GBE1: variants seen among roughly 807,000 people sequenced by gnomAD.
GBE1 encodes the protein 1,4-alpha-glucan-branching enzyme.
In GBE1, 70 loss-of-function variants were observed where a neutral mutation model predicts 88.8. The observed-to-expected ratio is 0.79, with a 90% CI of 0.65 to 0.96. The LOEUF (loss-of-function observed/expected upper bound fraction) is 0.96, where lower values mean the gene tolerates loss of function less well. Ranked by LOEUF, GBE1 falls within the 40% of genes least tolerant of loss-of-function variation. GBE1 has a pLI of 0.00. For missense variants in GBE1, 872 were observed against 871.0 expected (o/e 1.00, Z -0.01); for synonymous variants, 284 against 300.1 (o/e 0.95, Z 0.56).
At chr3:81,505,138 T>A (rs1702637113) in intron 14 of GBE1, among the ~76,000 whole-genome samples, 1 of 152,182 alleles carries the variant, frequency 6.6e-6, no homozygotes. Flanking sequence ...GAAGACAGGC[T>A]AAAATGTGAA....
chr3:81,505,100 C>A (rs1702636516), intron 14 of GBE1, among the ~76,000 whole-genome samples: 1 of 152,146 alleles, frequency 6.6e-6, no homozygotes, highest in Admixed American at 6.5e-5. Flanking sequence ...ATCACTACCA[C>A]ATCAATATTG....
intron 7 of GBE1, among the ~76,000 whole-genome samples, chr3:81,616,893 C>G (rs1030239325): frequency 6.6e-6 from 1 of 151,730 alleles, no homozygotes; most frequent in Admixed American, 6.6e-5. Flanking sequence ...ATTATACATT[C>G]CTGTATATAT....
intron 2 of GBE1, among the ~76,000 whole-genome samples, chr3:81,674,727 A>G (rs1046635448): frequency 6.6e-6 from 1 of 151,944 alleles, no homozygotes; most frequent in Non-Finnish European, 1.5e-5. Context: ...GAGCCTATCT[A>G]AAGACATATT....
chr3:81,525,010 C>T (rs1397478864), intron 14 of GBE1, among the ~76,000 whole-genome samples: 1 of 151,740 alleles, frequency 6.6e-6, no homozygotes, highest in African/African-American at 2.4e-5. Flanking sequence ...TTGGTATGGT[C>T]ATTGGTATAC....
intron 14 of GBE1, among the ~76,000 whole-genome samples, chr3:81,527,744 T>C (rs1486521567): frequency 1.3e-5 from 2 of 151,942 alleles, no homozygotes; most frequent in Non-Finnish European, 2.9e-5. Flanking sequence ...TGTGGAGAAA[T>C]AGGAACACTT....
chr3:81,655,642 G>C (rs1704924925), intron 3 of GBE1, among the ~76,000 whole-genome samples: 1 of 151,912 alleles, frequency 6.6e-6, no homozygotes, highest in Admixed American at 6.6e-5. Flanking sequence ...TCAGCCTCCT[G>C]AGTAGCTGGG....
intron 12 of GBE1, among the ~76,000 whole-genome samples, chr3:81,570,532 A>C (rs1275283198): frequency 1.3e-5 from 2 of 152,238 alleles, no homozygotes; most frequent in African/African-American, 4.8e-5. Flanking sequence ...GTATTTTCAA[A>C]AAGTGCATGA....
intron 12 of GBE1, among the ~76,000 whole-genome samples, chr3:81,560,228 C>T (rs1031690091): frequency 6.6e-6 from 1 of 151,902 alleles, no homozygotes; most frequent in Non-Finnish European, 1.5e-5. Context: ...AGCATTTCTA[C>T]ATTATAACAA....
chr3:81,514,700 A>AC (rs1702773017), intron 14 of GBE1, among the ~76,000 whole-genome samples: 2 of 151,748 alleles, frequency 1.3e-5, no homozygotes, highest in South Asian at 4.2e-4. Flanking sequence ...TAATTATATC[A>AC]CATCTTAATT....
chr3:81,723,229 A>G (rs938975638), intron 1 of GBE1, among the ~76,000 whole-genome samples: 9 of 150,564 alleles, frequency 6.0e-5, no homozygotes, highest in Non-Finnish European at 1.0e-4. Context: ...AGAAACTGAC[A>G]TATATCCTTG....
chr3:81,613,100 A>G, intron 7 of GBE1: 1 of 554,604 alleles, frequency 1.8e-6, no homozygotes, highest in South Asian at 1.9e-5. Flanking sequence ...ATGGATTCCG[A>G]CCTTCCTTTT....
intron 9 of GBE1, among the ~76,000 whole-genome samples, chr3:81,586,866 G>A (rs143056599): frequency 4.6e-4 from 70 of 151,616 alleles, no homozygotes; most frequent in African/African-American, 1.4e-3. Flanking sequence ...TCAGCTCACT[G>A]CAACCTCTGC....
intron 1 of GBE1, among the ~76,000 whole-genome samples, chr3:81,730,418 A>G (rs530525029): frequency 1.3e-5 from 2 of 152,192 alleles, no homozygotes; most frequent in South Asian, 4.1e-4. Context: ...ATAATTGATA[A>G]GCTACTGGAA....
intron 10 of GBE1, 91 bp downstream of exon 10, chr3:81,586,001 G>A (rs1220131257): frequency 1.4e-6 from 1 of 713,922 alleles, no homozygotes; most frequent in East Asian, 3.0e-5. Flanking sequence ...TATAATATCT[G>A]TAACTAATGA....
intron 6 of GBE1, 107 bp from the exon 7 acceptor site, chr3:81,643,097 C>T: frequency 1.3e-6 from 1 of 744,736 alleles, no homozygotes; most frequent in Non-Finnish European, 2.3e-6. Context: ...TTTAAATATC[C>T]AAACAGCATG....
At chr3:81,743,546 T>C in intron 1 of GBE1, 1 of 1,523,718 alleles carries the variant, frequency 6.6e-7, no homozygotes, top group Non-Finnish European at 8.8e-7. Context: ...ATGCAAGTCA[T>C]AATGAGTCAC....
intron 1 of GBE1, among the ~76,000 whole-genome samples, chr3:81,747,223 A>T (rs577957306): frequency 6.6e-6 from 1 of 152,340 alleles, no homozygotes; most frequent in African/African-American, 2.4e-5. Context: ...TCATCAAAAT[A>T]AATGAAAAAA....
rs140137713 is a variant in GBE1, at chr3:81,497,511, G to A, written c.2052+1599C>T. On this transcript the variant is annotated intron_variant, in intron 15 of 15. Coordinates refer to ENST00000429644, the MANE Select transcript of GBE1 (RefSeq NM_000158.4). ...CATTTTACAGGTGGGGGAAACTGCA[G>A]TGCAAAAAAAGTTAAATTAATCAAT... 6.2e-3 allele frequency among the ~76,000 whole-genome samples: 948 copies of A among 152,228 alleles called. 9 individuals are homozygous for A. Among genetic ancestry groups the A allele is most frequent in the Admixed American group, 7.4e-3 (113 of 15,268 alleles).
chr3:81,512,871 TTGTATTTCAGACACA>T (rs1188196840), intron 14 of GBE1, among the ~76,000 whole-genome samples: 3 of 151,786 alleles, frequency 2.0e-5, no homozygotes, highest in African/African-American at 7.3e-5. Context: ...TAAAATAAGC[TTGTATTTCAGACACA>T]TGATTCATAC....
Sources: allele counts gnomAD v4.1 joint callset (sites outside exome capture counted in the v4.1 genomes callset), GRCh38; gene constraint gnomAD v4.1.1; transcripts MANE v1.5; gene names NCBI Gene and HGNC (gene_info 2026-07-23, HGNC 2026-07-21).